TENM2: variants seen among roughly 807,000 people sequenced by gnomAD.
TENM2 encodes the protein teneurin transmembrane protein 2.
In TENM2, 52 loss-of-function variants were observed where a neutral mutation model predicts 245.2. The observed-to-expected ratio is 0.21, with a 90% CI of 0.17 to 0.27. The LOEUF is 0.27. TENM2 is among the 10% of genes least tolerant of loss of function. TENM2 has a pLI of 1.00. For synonymous variants in TENM2, 1,363 were observed against 1,438.9 expected (o/e 0.95, Z 1.19); for missense variants, 3,046 against 3,666.8 (o/e 0.83, Z 4.37).
rs138419724 is a variant in TENM2, at chr5:168,221,329, A to AT, written c.5108+2332dup. On this transcript the variant is annotated intron_variant, in intron 23 of 28. Coordinates refer to ENST00000518659, the Ensembl canonical transcript of TENM2. ...CAGTGACTGTCTAAATATGGATTTG[A>AT]TTATCCCCATTTTATTGATAAAGAA... 3.4e-3 allele frequency among the ~76,000 whole-genome samples: 514 copies of AT among 152,170 alleles called. 6 individuals carry two copies. The highest frequency in any genetic ancestry group is 2.9e-3 in the Non-Finnish European group (195 of 68,006).
intron 2 of TENM2, among the ~76,000 whole-genome samples, chr5:167,778,459 A>T (rs1008391505): frequency 6.6e-6 from 1 of 152,202 alleles, no homozygotes; most frequent in Non-Finnish European, 1.5e-5. Flanking sequence ...TGACAGTGGT[A>T]TGCACAGGGA....
chr5:167,018,567 GCAGA>G, the TENM2 span, among the ~76,000 whole-genome samples: 2 of 152,058 alleles, frequency 1.3e-5, no homozygotes, highest in East Asian at 1.9e-4. Flanking sequence ...TTTTAGGGTG[GCAGA>G]CAGGTAATCA....
intron 27 of TENM2, among the ~76,000 whole-genome samples, chr5:168,251,472 G>A (rs192278229): frequency 2.8e-4 from 42 of 152,286 alleles, no homozygotes; most frequent in Non-Finnish European, 5.4e-4. Flanking sequence ...GAGAAGCGGC[G>A]TGCACAGGGT....
At position 167,445,333 on chromosome 5, in the gene TENM2, A is replaced by G. The variant is rs201657612; in HGVS notation, c.502+69860A>G. 2.8e-4 allele frequency among the ~76,000 whole-genome samples: 21 copies of G among 76,030 alleles called. No individual in the cohort carries two copies. The East Asian group carries it at 3.0e-3, about 11-fold the overall frequency. The allele number at this position is 76,030 out of a possible 152,430, so 49.9% of individuals were successfully genotyped here. A position where few individuals can be genotyped will look rare whatever the true frequency, so the allele number is the denominator to read the frequency against. On this transcript the variant is annotated intron_variant, in intron 2 of 28. Coordinates refer to ENST00000518659, the Ensembl canonical transcript of TENM2. ...TGATTATATATATATATATATATATATATAGAGAGAGAGAGAGAGAGAGAG... is the reference window on the plus strand; with the variant it reads ...TGATTATATATATATATATATATATGTATAGAGAGAGAGAGAGAGAGAGAG...
chr5:167,704,083 G>A (rs1477479266), intron 2 of TENM2, among the ~76,000 whole-genome samples: 1 of 152,168 alleles, frequency 6.6e-6, no homozygotes, highest in Non-Finnish European at 1.5e-5. Context: ...TCAGAGAACT[G>A]TGTGGTGGAA....
chr5:167,337,412 A>G (rs1014190837), intron 1 of TENM2, among the ~76,000 whole-genome samples: 3 of 152,220 alleles, frequency 2.0e-5, no homozygotes, highest in African/African-American at 4.8e-5. Context: ...TAGTAACTAT[A>G]TAACACAATA....
At chr5:167,216,492 A>AC in the TENM2 span, among the ~76,000 whole-genome samples, 194 of 152,302 alleles carry the variant, frequency 1.3e-3, no homozygotes, top group Middle Eastern at 0.058. Context: ...TAAATTATGC[A>AC]CCACTGTCTC....
At chr5:168,053,704 T>C (rs1789305107) in intron 6 of TENM2, among the ~76,000 whole-genome samples, 1 of 152,180 alleles carries the variant, frequency 6.6e-6, no homozygotes, top group African/African-American at 2.4e-5. Flanking sequence ...TACTACACCA[T>C]TTTATATAAA....
chr5:168,227,356 G>T (rs1015241866), intron 24 of TENM2, among the ~76,000 whole-genome samples: 2 of 152,108 alleles, frequency 1.3e-5, no homozygotes, highest in Non-Finnish European at 2.9e-5. Context: ...GGTGCAGTCG[G>T]CAGTAAAAGC....
the TENM2 span, among the ~76,000 whole-genome samples, chr5:166,986,962 A>G: frequency 6.6e-6 from 1 of 152,146 alleles, no homozygotes; most frequent in East Asian, 1.9e-4. Context: ...TTATTCTGTA[A>G]TAGAAGTTAT....
chr5:167,521,705 T>G (rs563135629), intron 2 of TENM2, among the ~76,000 whole-genome samples: 1 of 152,218 alleles, frequency 6.6e-6, no homozygotes, highest in Non-Finnish European at 1.5e-5. Flanking sequence ...AATATTGCTG[T>G]TGTGTTGGAG....
At chr5:167,432,836 G>A (rs575306836) in intron 2 of TENM2, among the ~76,000 whole-genome samples, 2 of 152,194 alleles carry the variant, frequency 1.3e-5, no homozygotes, top group East Asian at 3.9e-4. Context: ...GTGGTTAGAT[G>A]GAATATAACC....
intron 2 of TENM2, among the ~76,000 whole-genome samples, chr5:167,398,823 G>T (rs1270129577): frequency 6.6e-6 from 1 of 152,098 alleles, no homozygotes; most frequent in Admixed American, 6.6e-5. Flanking sequence ...CGAAGTGCCT[G>T]GCACGTAGTA....
intron 2 of TENM2, among the ~76,000 whole-genome samples, chr5:167,874,838 G>A (rs2151378096): frequency 6.6e-6 from 1 of 152,280 alleles, no homozygotes; most frequent in East Asian, 1.9e-4. Context: ...AGCACCTTCT[G>A]CCGGACTGGC....
intron 3 of TENM2, among the ~76,000 whole-genome samples, chr5:167,944,916 A>T (rs1161729143): frequency 1.3e-5 from 2 of 152,160 alleles, no homozygotes; most frequent in African/African-American, 4.8e-5. Context: ...ACAAACAAAG[A>T]CGGAGGAGTT....
chr5:168,223,027 C>T (rs1326425097), intron 23 of TENM2, among the ~76,000 whole-genome samples: 1 of 152,216 alleles, frequency 6.6e-6, no homozygotes, highest in Admixed American at 6.5e-5. Flanking sequence ...CTGGAACTTA[C>T]AGCGCTTCAC....
At chr5:167,910,055 T>C (rs1181605307) in intron 3 of TENM2, among the ~76,000 whole-genome samples, 1 of 152,172 alleles carries the variant, frequency 6.6e-6, no homozygotes, top group Non-Finnish European at 1.5e-5. Context: ...AAATGAGATT[T>C]TGATCTGGTA....
intron 2 of TENM2, among the ~76,000 whole-genome samples, chr5:167,792,867 ACGGTTTCTG>A (rs1171375597): frequency 6.6e-6 from 1 of 152,122 alleles, no homozygotes; most frequent in Admixed American, 6.6e-5. Context: ...TAACATTTTC[ACGGTTTCTG>A]CAGGAGCCTG....
chr5:167,603,184 T>TA (rs1271086878), intron 2 of TENM2, among the ~76,000 whole-genome samples: 1 of 152,172 alleles, frequency 6.6e-6, no homozygotes, highest in African/African-American at 2.4e-5. Context: ...TGTTAGGGGC[T>TA]AGTAATCAAT....
Sources: gnomAD v4.1 joint callset for allele counts (sites outside exome capture counted in the v4.1 genomes callset) on GRCh38, gnomAD v4.1.1 for gene constraint, MANE v1.5 for transcripts, NCBI Gene and HGNC (gene_info 2026-07-23, HGNC 2026-07-21) for gene names.